Variants in NBAS observed in about 807,000 individuals in gnomAD.
The protein encoded by NBAS is NBAS subunit of NRZ tethering complex.
In NBAS, 219 loss-of-function variants were observed where a neutral mutation model predicts 302.5. That is an observed-to-expected ratio of 0.72 (90% CI 0.65 to 0.81). NBAS has a LOEUF of 0.81. NBAS is among the 30% of genes least tolerant of loss of function. The pLI is 0.00. For missense variants in NBAS, 2,932 were observed against 2,841.6 expected (o/e 1.03, Z -0.72); for synonymous variants, 1,118 against 1,021.6 (o/e 1.09, Z -1.80).
At chr2:15,479,287 A>G (rs565525969) in intron 12 of NBAS, among the ~76,000 whole-genome samples, 1 of 152,362 alleles carries the variant, frequency 6.6e-6, no homozygotes, top group African/African-American at 2.4e-5. Flanking sequence ...TTACTTAATC[A>G]TAAGAAACGA....
intron 48 of NBAS, among the ~76,000 whole-genome samples, chr2:15,217,409 C>T (rs1558446043): frequency 6.6e-6 from 1 of 152,168 alleles, no homozygotes. Flanking sequence ...ATAATAATTA[C>T]AAAGATATTC....
the NBAS span, among the ~76,000 whole-genome samples, chr2:14,878,849 G>T: frequency 6.6e-6 from 1 of 152,094 alleles, no homozygotes; most frequent in South Asian, 2.1e-4. Flanking sequence ...TTTGCTGTTT[G>T]TGTTGTACAT....
intron 10 of NBAS, among the ~76,000 whole-genome samples, chr2:15,505,304 C>T (rs1223783268): frequency 6.6e-6 from 1 of 152,126 alleles, no homozygotes; most frequent in African/African-American, 2.4e-5. Flanking sequence ...ACCAAAAAGA[C>T]TAAGTCCACT....
At chr2:14,786,616 A>T in the NBAS span, among the ~76,000 whole-genome samples, 1 of 152,098 alleles carries the variant, frequency 6.6e-6, no homozygotes, top group Admixed American at 6.5e-5. Flanking sequence ...TTCAGTTTGC[A>T]TGTAGTTGAG....
intron 44 of NBAS, 44 bp from the exon 45 acceptor site, chr2:15,238,730 C>CATATT (rs1667723793): frequency 6.6e-7 from 1 of 1,517,924 alleles, no homozygotes; most frequent in Non-Finnish European, 9.0e-7. Flanking sequence ...TGCATTATTA[C>CATATT]CTATTGCATA....
chr2:15,080,912 T>A, the NBAS span, among the ~76,000 whole-genome samples: 1 of 152,212 alleles, frequency 6.6e-6, no homozygotes, highest in African/African-American at 2.4e-5. Flanking sequence ...ATTCTTCTGT[T>A]GGTCACAAAG....
chr2:15,546,755 G>T (rs1291744706), intron 6 of NBAS, among the ~76,000 whole-genome samples: 1 of 152,216 alleles, frequency 6.6e-6, no homozygotes, highest in African/African-American at 2.4e-5. Flanking sequence ...ACAAGTCTGG[G>T]TGTTTCAAAT....
chr2:15,169,633 T>C (rs1664203046), intron 51 of NBAS, among the ~76,000 whole-genome samples: 1 of 152,186 alleles, frequency 6.6e-6, no homozygotes, highest in African/African-American at 2.4e-5. Context: ...GAAGCCCGTG[T>C]CTCGGCCTAG....
Position 15,418,811 on chromosome 2 carries a change from C to T in NBAS, c.2578-1099G>A, listed in dbSNP as rs899481100. On this transcript the variant is annotated intron_variant, in intron 23 of 51. Coordinates refer to ENST00000281513, the MANE Select transcript of NBAS (RefSeq NM_015909.4). ...GTGTGAGGGGCAGCAATGAGAAAGA[C>T]GGCTAGAGTAGGAGGGACGGGCCGG... Among the ~76,000 whole-genome samples the T allele has an allele frequency of 4.6e-5, 7 of 152,132 alleles. No homozygotes were observed. In the East Asian group the frequency reaches 7.7e-4, roughly 17 times the overall value.
rs769340569 is a variant in NBAS at position 15,415,540 on chromosome 2, A to C, written c.2937+6T>G. On this transcript the variant is annotated splice_donor_region_variant and intron_variant, in intron 25 of 51. Coordinates refer to ENST00000281513, the MANE Select transcript of NBAS (RefSeq NM_015909.4). ...CCAGAATTTTAAGAAGTTAGTTTCT[A>C]CTTACATCTGGTTTGGAATGCTGAA... The C allele has an allele frequency of 1.1e-5, 17 of 1,613,582 alleles. No individual in the cohort carries two copies. The South Asian group carries it at 1.9e-4, about 18-fold the overall frequency.
At chr2:15,547,385 A>G (rs1377835636) in intron 6 of NBAS, among the ~76,000 whole-genome samples, 1 of 152,220 alleles carries the variant, frequency 6.6e-6, no homozygotes, top group Non-Finnish European at 1.5e-5. Flanking sequence ...ACATTATGTG[A>G]AATGGAAAGA....
the NBAS span, among the ~76,000 whole-genome samples, chr2:15,061,120 C>T: frequency 6.6e-6 from 1 of 152,088 alleles, no homozygotes; most frequent in Non-Finnish European, 1.5e-5. Flanking sequence ...AACTTGCGTC[C>T]CAGGGAATTT....
the NBAS span, among the ~76,000 whole-genome samples, chr2:14,896,252 A>G: frequency 2.0e-5 from 3 of 152,032 alleles, no homozygotes; most frequent in African/African-American, 7.2e-5. Context: ...CCCTCAAAAT[A>G]TTAGAGGCCT....
Position 15,561,199 on chromosome 2 carries a change from T to G in NBAS, c.106A>C (p.Thr36Pro). 1 of 1,613,712 alleles carries G rather than the reference T, an allele frequency of 6.2e-7. No homozygotes were observed. The highest frequency in any genetic ancestry group is 8.5e-7 in the Non-Finnish European group (1 of 1,179,940). Residue 36 changes from threonine (T) to proline (P), a missense_variant, in exon 1 of 52, where the codon ACT becomes CCT. By Grantham distance (38) the Thr-to-Pro change is conservative. Coordinates refer to ENST00000281513, the MANE Select transcript of NBAS (RefSeq NM_015909.4). ...LLVNTEWPPE[T>P]EVQPRGNQKH... ...TGGGCCTGGTTCACCTGTACTTCAG[T>G]CTCCGGTGGCCACTCGGTGTTGACC... is the stretch of plus-strand genomic sequence containing the variant.
chr2:15,296,351 C>T (rs1670546756), intron 40 of NBAS, among the ~76,000 whole-genome samples: 1 of 151,994 alleles, frequency 6.6e-6, no homozygotes, highest in African/African-American at 2.4e-5. Flanking sequence ...CCAACCTGGC[C>T]AACATGGAGA....
intron 45 of NBAS, among the ~76,000 whole-genome samples, chr2:15,235,537 C>G (rs1056143229): frequency 6.6e-6 from 1 of 152,068 alleles, no homozygotes; most frequent in Non-Finnish European, 1.5e-5. Flanking sequence ...ACTGTTTTGC[C>G]TTTGAAACCA....
At chr2:14,969,675 C>G in the NBAS span, among the ~76,000 whole-genome samples, 1 of 152,156 alleles carries the variant, frequency 6.6e-6, no homozygotes, top group Non-Finnish European at 1.5e-5. Context: ...CCTTGCCCAG[C>G]CTGTAAGTTA....
chr2:15,355,503 A>G (rs1024340171), intron 33 of NBAS, among the ~76,000 whole-genome samples: 1 of 152,152 alleles, frequency 6.6e-6, no homozygotes, highest in African/African-American at 2.4e-5. Flanking sequence ...GAAAAGCACT[A>G]TGCTATCTGA....
intron 25 of NBAS, among the ~76,000 whole-genome samples, chr2:15,406,659 A>AG (rs1371533900): frequency 1.3e-5 from 2 of 152,190 alleles, no homozygotes; most frequent in Non-Finnish European, 2.9e-5. Context: ...CCACAGAGAA[A>AG]GGGTTAGTTA....
Sources: allele counts gnomAD v4.1 joint callset (sites outside exome capture counted in the v4.1 genomes callset), GRCh38; gene constraint gnomAD v4.1.1; transcripts MANE v1.5; gene names NCBI Gene and HGNC (gene_info 2026-07-23, HGNC 2026-07-21).